GRAMD2A: variants seen among roughly 807,000 people sequenced by gnomAD.
The protein encoded by GRAMD2A is GRAM domain-containing protein 2A.
GRAMD2A carries 37 observed loss-of-function variants against 51.1 expected under a neutral mutation model. The ratio of observed to expected loss-of-function variants is 0.72; its 90% CI spans 0.56 to 0.95. GRAMD2A has a LOEUF of 0.95. GRAMD2A is among the 40% of genes least tolerant of loss of function. The pLI, the probability that GRAMD2A is intolerant of heterozygous loss-of-function variation, is 0.00. For synonymous variants in GRAMD2A, 136 were observed against 157.1 expected (o/e 0.87, Z 1.01); for missense variants, 414 against 426.9 (o/e 0.97, Z 0.27).
chr15:72,169,063 A>G (rs987616976), intron 2 of GRAMD2A, 67 bp from the exon 3 acceptor site: 24 of 1,434,978 alleles, frequency 1.7e-5, no homozygotes, highest in Non-Finnish European at 2.1e-5. Context: ...CTCAGTGCCA[A>G]TTCTGCCCTG....
chr15:72,185,943 A>G (rs1055590191), intron 1 of GRAMD2A, among the ~76,000 whole-genome samples: 1 of 152,266 alleles, frequency 6.6e-6, no homozygotes, highest in South Asian at 2.1e-4. Context: ...AATATCAGGA[A>G]AAGTTTTTCT....
In GRAMD2A at chr15:72,163,735, T is replaced by C. The variant is rs2081508686; in HGVS notation, c.623A>G (p.Lys208Arg). 1.9e-6 allele frequency: 3 copies of C among 1,608,814 alleles called. No individual in the cohort carries two copies. Among genetic ancestry groups the C allele is most frequent in the Non-Finnish European group, 1.7e-6 (2 of 1,178,688 alleles). ...GGAGGAAGGGCATACCTTTCTCCAC[T>C]TCATCTCAGGGATGAGGACTTCCTG... ...ESLEVLIPEM[K>R]WRKVCPSSRS... The change falls in exon 9 of 12, where the codon AAG (lysine) becomes AGG (arginine). Residue 208 changes from lysine (K) to arginine (R), a missense_variant. By Grantham distance (26) the Lys-to-Arg change is conservative. Transcript: ENST00000309731.
rs115045785 is a variant in GRAMD2A, at chr15:72,168,627, G to C, written c.193-61C>G. 2.2e-3 allele frequency: 3,157 copies of C among 1,404,116 alleles called. 51 individuals are homozygous for C. In the African/African-American group the frequency reaches 0.038, roughly 17 times the overall value. 87.0% of individuals were successfully genotyped at this position (1,404,116 alleles called of 1,614,324 possible). A position where few individuals can be genotyped will look rare whatever the true frequency, so the allele number is the denominator to read the frequency against. ...GAGATGAGACCGCCAAAGGGGCCCT[G>C]CTCCAGCCAACAGGAAATGCCACAG... On this transcript the variant is annotated intron_variant, in intron 3 of 11. Coordinates refer to ENST00000309731, the MANE Select transcript of GRAMD2A (RefSeq NM_001012642.3).
In GRAMD2A at chr15:72,166,878, T is replaced by A; in HGVS notation, c.471+116A>T. 1.1e-6 allele frequency: 1 copy of A among 947,940 alleles called. No individual in the cohort carries two copies. The highest frequency in any genetic ancestry group is 1.6e-5 in the African/African-American group (1 of 62,222). 58.7% of individuals were successfully genotyped at this position (947,940 alleles called of 1,614,324 possible). A position where few individuals can be genotyped will look rare whatever the true frequency, so the allele number is the denominator to read the frequency against. On this transcript the variant is annotated intron_variant, in intron 6 of 11. Transcript: ENST00000309731. The surrounding 1 kb of genome is among the most constrained non-coding windows in gnomAD (Gnocchi z 4.1). ...TTGTTGTACGGCCTGAAATACCTAC[T>A]GGAGAGCTGCAGGGTGGGGTGAAAT...
Position 72,161,795 on chromosome 15 carries a change from A to G in GRAMD2A, c.*214T>C. The G allele has an allele frequency of 1.8e-6, 1 of 560,890 alleles. No individual in the cohort carries two copies. Among genetic ancestry groups the G allele is most frequent in the Non-Finnish European group, 3.2e-6 (1 of 312,950 alleles). 34.7% of individuals were successfully genotyped at this position (560,890 alleles called of 1,614,324 possible). On this transcript the variant is annotated 3_prime_UTR_variant, in exon 12 of 12. Coordinates refer to ENST00000309731, the MANE Select transcript of GRAMD2A (RefSeq NM_001012642.3). ...AAAATCTGGCTTTTTGCTTGAGTCC[A>G]AAAATTGTAGAAGCCAGTTACTTTG...
intron 1 of GRAMD2A, among the ~76,000 whole-genome samples, chr15:72,187,552 T>A (rs1318310664): frequency 6.6e-6 from 1 of 152,130 alleles, no homozygotes; most frequent in Non-Finnish European, 1.5e-5. Flanking sequence ...ATCACTCTGT[T>A]ACCCAGGCTG....
chr15:72,163,829 G>A, intron 8 of GRAMD2A, 72 bp from the exon 9 acceptor site: 2 of 1,506,478 alleles, frequency 1.3e-6, no homozygotes, highest in Non-Finnish European at 1.8e-6. Context: ...GCCCACACCA[G>A]GTTTATCAGA....
Position 72,170,755 on chromosome 15 carries a change from A to G in GRAMD2A, c.42-816T>C, listed in dbSNP as rs972714497. ...CCCAACCAAGTGGGCCCAGGGGCTG[A>G]CCAAGAAAGAGAGGGTGGCCAAGAA... On this transcript the variant is annotated intron_variant, in intron 1 of 11. Coordinates refer to ENST00000309731, the MANE Select transcript of GRAMD2A (RefSeq NM_001012642.3). The surrounding 1 kb of genome is among the most constrained non-coding windows in gnomAD (Gnocchi z 4.5). 6.6e-5 allele frequency among the ~76,000 whole-genome samples: 10 copies of G among 152,150 alleles called. No individual in the cohort carries two copies. Among genetic ancestry groups the G allele is most frequent in the Non-Finnish European group, 1.5e-4 (10 of 68,018 alleles).
chr15:72,163,897 G>A, intron 8 of GRAMD2A, 140 bp from the exon 9 acceptor site: 2 of 820,786 alleles, frequency 2.4e-6, no homozygotes, highest in Non-Finnish European at 3.8e-6. Context: ...GCAGGTACAA[G>A]CGAGGAGGGC....
intron 1 of GRAMD2A, among the ~76,000 whole-genome samples, chr15:72,187,555 C>G: frequency 6.6e-6 from 1 of 151,850 alleles, no homozygotes; most frequent in Admixed American, 6.6e-5. Flanking sequence ...ACTCTGTTAC[C>G]CAGGCTGGAG....
At chr15:72,177,855 G>A (rs1353736997) in intron 1 of GRAMD2A, among the ~76,000 whole-genome samples, 3 of 152,210 alleles carry the variant, frequency 2.0e-5, no homozygotes, top group Non-Finnish European at 4.4e-5. Context: ...AGCCCCCTGA[G>A]TAGCTGGGAT....
Position 72,197,483 on chromosome 15 carries a change from A to G in GRAMD2A, c.41+248T>C, listed in dbSNP as rs183505426. Among the ~76,000 whole-genome samples the G allele has an allele frequency of 3.9e-5, 6 of 152,030 alleles. No homozygotes were observed. In the East Asian group the frequency reaches 1.2e-3, roughly 30 times the overall value. On this transcript the variant is annotated intron_variant, in intron 1 of 11. Coordinates refer to ENST00000309731, the MANE Select transcript of GRAMD2A (RefSeq NM_001012642.3). Reference sequence around the variant, plus strand: ...CTGCCGGGACCGTCCCTCATCCCCCAGGTCGCAGCAGACTCAGCCAAGACA... The same window carrying G: ...CTGCCGGGACCGTCCCTCATCCCCCGGGTCGCAGCAGACTCAGCCAAGACA...
chr15:72,173,491 C>T (rs1282812696), intron 1 of GRAMD2A: 1 of 152,250 alleles, frequency 6.6e-6, no homozygotes, highest in East Asian at 1.9e-4. Context: ...GGCTCACAGA[C>T]TCTGCCTGGT....
In GRAMD2A at chr15:72,166,454, A is replaced by G. The variant is rs1047840763; in HGVS notation, c.543+178T>C. Reference sequence around the variant, plus strand: ...CACTGGCCTCAAAGACATGCTTGCAAGCATAGACACACAATCCAAGTACTG... The same window carrying G: ...CACTGGCCTCAAAGACATGCTTGCAGGCATAGACACACAATCCAAGTACTG... On this transcript the variant is annotated intron_variant, in intron 7 of 11. Coordinates refer to ENST00000309731, the MANE Select transcript of GRAMD2A (RefSeq NM_001012642.3). This position sits in a 1 kb window ranked among gnomAD's most constrained non-coding sequence, Gnocchi z 4.1. Among the ~76,000 whole-genome samples, 2 of 152,176 alleles carry G rather than the reference A, an allele frequency of 1.3e-5. No individual in the cohort carries two copies. The highest frequency in any genetic ancestry group is 2.9e-5 in the Non-Finnish European group (2 of 68,016).
chr15:72,167,460 AT>A (rs1201591189), intron 5 of GRAMD2A, among the ~76,000 whole-genome samples: 4 of 152,272 alleles, frequency 2.6e-5, no homozygotes, highest in Non-Finnish European at 5.9e-5. Flanking sequence ...TTCTCAAAGC[AT>A]TTCTGAAATA....
At chr15:72,192,246 C>A (rs2081773112) in intron 1 of GRAMD2A, among the ~76,000 whole-genome samples, 1 of 152,090 alleles carries the variant, frequency 6.6e-6, no homozygotes, top group South Asian at 2.1e-4. Flanking sequence ...ATTCTCTCTC[C>A]TTTTGTATAT....
intron 1 of GRAMD2A, among the ~76,000 whole-genome samples, chr15:72,187,749 A>G (rs532122514): frequency 1.1e-4 from 16 of 152,284 alleles, no homozygotes; most frequent in African/African-American, 3.8e-4. Flanking sequence ...CCTGGGCTCA[A>G]GTGATCTGCC....
intron 1 of GRAMD2A, among the ~76,000 whole-genome samples, chr15:72,196,769 A>C (rs2081808017): frequency 6.6e-6 from 1 of 152,164 alleles, no homozygotes. Flanking sequence ...TGGGGCGGCA[A>C]GCAGAGCAGA....
At chr15:72,178,870 G>A (rs935775037) in intron 1 of GRAMD2A, among the ~76,000 whole-genome samples, 37 of 151,472 alleles carry the variant, frequency 2.4e-4, no homozygotes, top group South Asian at 4.2e-4. Flanking sequence ...CACCCGGCCC[G>A]GCTGTCTTGC....
Sources: allele counts gnomAD v4.1 joint callset (sites outside exome capture counted in the v4.1 genomes callset), GRCh38; gene constraint gnomAD v4.1.1; non-coding constraint Gnocchi (gnomAD v3.1); transcripts MANE v1.5; gene names NCBI Gene and HGNC (gene_info 2026-07-23, HGNC 2026-07-21).